EPHX1: variants seen among roughly 807,000 people sequenced by gnomAD.
The protein encoded by EPHX1 is epoxide hydratase.
EPHX1 carries 40 observed loss-of-function variants against 43.2 expected under a neutral mutation model. The ratio of observed to expected loss-of-function variants is 0.93; its 90% CI spans 0.72 to 1.21. EPHX1 has a LOEUF of 1.21. EPHX1 is among the 50% of genes most tolerant of loss of function. The pLI, the probability that EPHX1 is intolerant of heterozygous loss-of-function variation, is 0.00. For missense variants in EPHX1, 550 were observed against 570.4 expected, an observed-to-expected ratio of 0.96 and a Z score of 0.36; for synonymous variants, 221 against 226.7, an observed-to-expected ratio of 0.98 and a Z score of 0.22.
In EPHX1 at chr1:225,841,601, C is replaced by CTT. The variant is rs35827447; in HGVS notation, c.932-748_932-747dup. On this transcript the variant is annotated intron_variant, in intron 6 of 8. Coordinates refer to ENST00000272167, the MANE Select transcript of EPHX1 (RefSeq NM_001136018.4). ...ACCCAGCCTGTCCCACTGTCCCAGC[C>CTT]TTTTTTTTTTTTTTTTTTGAGACAG... Among the ~76,000 whole-genome samples, 609 of 104,394 alleles carry CTT rather than the reference C, an allele frequency of 5.8e-3. 15 individuals carry two copies. The highest frequency in any genetic ancestry group is 0.018 in the African/African-American group (467 of 25,998). The allele number at this position is 104,394 out of a possible 152,430, so 68.5% of individuals were successfully genotyped here.
chr1:225,814,933 C>T (rs1452382048), intron 1 of EPHX1, among the ~76,000 whole-genome samples: 1 of 152,232 alleles, frequency 6.6e-6, no homozygotes, highest in Non-Finnish European at 1.5e-5. Context: ...GGCCATCTTT[C>T]CAGGTATGGG....
At chr1:225,816,788 A>G (rs1449245322) in intron 1 of EPHX1, among the ~76,000 whole-genome samples, 1 of 152,234 alleles carries the variant, frequency 6.6e-6, no homozygotes, top group African/African-American at 2.4e-5. Context: ...CCAGGCAGCA[A>G]AGCAGGCAGT....
chr1:225,821,662 G>A (rs1234452863), intron 1 of EPHX1, among the ~76,000 whole-genome samples: 1 of 141,568 alleles, frequency 7.1e-6, no homozygotes, highest in East Asian at 2.2e-4. Flanking sequence ...CTGGGCTCAA[G>A]CAATCTTCCC....
At chr1:225,842,091 G>T (rs530538348) in intron 6 of EPHX1, among the ~76,000 whole-genome samples, 1 of 152,256 alleles carries the variant, frequency 6.6e-6, no homozygotes, top group African/African-American at 2.4e-5. Context: ...ATGCAGAGGC[G>T]TAGGCCCTTC....
intron 1 of EPHX1, among the ~76,000 whole-genome samples, chr1:225,820,016 A>C (rs1398745671): frequency 6.6e-6 from 1 of 152,156 alleles, no homozygotes; most frequent in Admixed American, 6.5e-5. Flanking sequence ...TGAACCTTTG[A>C]GTTCTGAGTA....
At chr1:225,820,324 G>T (rs1197088601) in intron 1 of EPHX1, among the ~76,000 whole-genome samples, 3 of 152,140 alleles carry the variant, frequency 2.0e-5, no homozygotes. Context: ...CCTGACCTCA[G>T]GTGATCTGCC....
At chr1:225,837,679 G>A (rs1272034714) in intron 3 of EPHX1, among the ~76,000 whole-genome samples, 1 of 151,960 alleles carries the variant, frequency 6.6e-6, no homozygotes, top group Non-Finnish European at 1.5e-5. Flanking sequence ...CAGCATGCCC[G>A]GGTAATTTTT....
chr1:225,813,431 T>A (rs958573960), intron 1 of EPHX1, among the ~76,000 whole-genome samples: 14 of 152,308 alleles, frequency 9.2e-5, no homozygotes, highest in African/African-American at 3.1e-4. Context: ...AGTTCCCCCG[T>A]TAGGGGACCA....
rs114766066 is a variant in EPHX1 at position 225,817,744 on chromosome 1, A to T, written c.-6+7575A>T. The stretch of plus-strand genomic sequence containing the variant: ...ACACAGTCAGAGCCAGGCCTGCCCA[A>T]CTGTCGCAGGGCTGGGTCCACCTCA... On this transcript the variant is annotated intron_variant, in intron 1 of 8. Transcript: ENST00000272167. The surrounding 1 kb of genome is among the most constrained non-coding windows in gnomAD (Gnocchi z 5.7). Among the ~76,000 whole-genome samples, 375 of 152,362 alleles carry T rather than the reference A, an allele frequency of 2.5e-3. 2 individuals carry two copies. Among genetic ancestry groups the T allele is most frequent in the African/African-American group, 8.7e-3 (361 of 41,596 alleles).
At chr1:225,820,087 TTTTC>T (rs768710959) in intron 1 of EPHX1, among the ~76,000 whole-genome samples, 35 of 152,130 alleles carry the variant, frequency 2.3e-4, no homozygotes, top group African/African-American at 6.5e-4. Context: ...CCCAAGTATA[TTTTC>T]TTTCTTTCTT....
At chr1:225,813,474 C>A (rs923955028) in intron 1 of EPHX1, among the ~76,000 whole-genome samples, 3 of 152,210 alleles carry the variant, frequency 2.0e-5, no homozygotes, top group Admixed American at 1.3e-4. Context: ...ACACCCCTCT[C>A]CTGAGGAGGG....
At position 225,838,754 on chromosome 1, in the gene EPHX1, C is replaced by G; in HGVS notation, c.465C>G (p.Tyr155Ter). 1.2e-6 allele frequency: 2 copies of G among 1,614,208 alleles called. No homozygotes were observed. The highest frequency in any genetic ancestry group is 1.7e-6 in the Non-Finnish European group (2 of 1,180,044). Reference protein sequence around the residue: ...LMVHGWPGSFYEFYKIIPLLT... With the variant: ...LMVHGWPGSF ...TGCACGGCTGGCCCGGCTCTTTCTACGAGTTTTATAAGATCATCCCACTCC... is the reference window on the plus strand; with the variant it reads ...TGCACGGCTGGCCCGGCTCTTTCTAGGAGTTTTATAAGATCATCCCACTCC... Residue 155 changes from tyrosine to a stop codon, truncating the protein, a stop_gained, in exon 4 of 9, where the codon TAC (tyrosine) becomes TAG (stop). Transcript: ENST00000272167. LOFTEE classifies it high-confidence loss of function.
intron 1 of EPHX1, among the ~76,000 whole-genome samples, chr1:225,818,934 A>AAG (rs1281193619): frequency 6.6e-6 from 1 of 151,370 alleles, no homozygotes; most frequent in African/African-American, 2.4e-5. Flanking sequence ...ATTAAAAAAA[A>AAG]AAAAAAAAAA....
In EPHX1 at chr1:225,845,546, A is replaced by G; in HGVS notation, c.*199A>G. 1 of 611,822 alleles carries G rather than the reference A, an allele frequency of 1.6e-6. No individual in the cohort carries two copies. Among genetic ancestry groups the G allele is most frequent in the Non-Finnish European group, 2.9e-6 (1 of 349,150 alleles). The allele number at this position is 611,822 out of a possible 1,614,324, so 37.9% of individuals were successfully genotyped here. Reference sequence around the variant, plus strand: ...GGTAAGCAACATGGCTTTGATGATAAACGACTTTACTCTAAAAGCGGCTGG... The same window carrying G: ...GGTAAGCAACATGGCTTTGATGATAGACGACTTTACTCTAAAAGCGGCTGG... On this transcript the variant is annotated 3_prime_UTR_variant, in exon 9 of 9. Coordinates refer to ENST00000272167, the MANE Select transcript of EPHX1 (RefSeq NM_001136018.4).
At chr1:225,831,691 G>C in intron 2 of EPHX1, 88 bp from the exon 3 acceptor site, 1 of 1,356,056 alleles carries the variant, frequency 7.4e-7, no homozygotes, top group Non-Finnish European at 1.1e-6. Flanking sequence ...GTGGCTGCAG[G>C]GTTTGCTGTG....
At chr1:225,819,291 G>A (rs1033798978) in intron 1 of EPHX1, among the ~76,000 whole-genome samples, 4 of 150,646 alleles carry the variant, frequency 2.7e-5, no homozygotes, top group African/African-American at 4.9e-5. Flanking sequence ...TGTAGTCCCC[G>A]CTACTCAGGA....
chr1:225,814,601 G>A (rs982977121), intron 1 of EPHX1, among the ~76,000 whole-genome samples: 1 of 152,174 alleles, frequency 6.6e-6, no homozygotes, highest in Non-Finnish European at 1.5e-5. Context: ...ACTCTTGAAG[G>A]CTGTGGGAGG....
intron 1 of EPHX1, among the ~76,000 whole-genome samples, chr1:225,823,889 G>A (rs527405297): frequency 6.6e-5 from 10 of 152,318 alleles, no homozygotes; most frequent in African/African-American, 2.4e-4. Flanking sequence ...ATCTGGCCAG[G>A]CAGAGTGGTG....
Position 225,831,920 on chromosome 1 carries a change from A to G in EPHX1, c.325A>G (p.Ile109Val), listed in dbSNP as rs1326379052. 6.2e-7 allele frequency: 1 copy of G among 1,614,152 alleles called. No individual in the cohort carries two copies. The highest frequency in any genetic ancestry group is 8.5e-7 in the Non-Finnish European group (1 of 1,180,038). The change falls in exon 3 of 9, where the codon ATT becomes GTT. Residue 109 changes from isoleucine to valine, a missense_variant. Ile to Val is a conservative substitution (Grantham distance 29). Coordinates refer to ENST00000272167, the MANE Select transcript of EPHX1 (RefSeq NM_001136018.4). ...ATTTGACTGGAAGAAGCAGGTGGAG[A>G]TTCTCAACAGATACCCTCACTTCAA... ...NEFDWKKQVE[I>V]LNRYPHFKTK... is the part of the protein sequence containing the mutation.
Sources: gnomAD v4.1 joint callset for allele counts (sites outside exome capture counted in the v4.1 genomes callset) on GRCh38, gnomAD v4.1.1 for gene constraint, Gnocchi (gnomAD v3.1) non-coding constraint, MANE v1.5 for transcripts, NCBI Gene and HGNC (gene_info 2026-07-23, HGNC 2026-07-21) for gene names.